Variants in TENM3 observed in about 807,000 individuals in gnomAD.
TENM3 encodes the protein teneurin-3.
A neutral mutation model predicts 255.1 loss-of-function variants in TENM3; 63 were observed. The observed-to-expected ratio is 0.25, with a 90% CI of 0.20 to 0.30. The LOEUF (loss-of-function observed/expected upper bound fraction) is 0.30. Among genes scored for constraint, TENM3 ranks in the 10% least tolerant of loss-of-function variants. TENM3 has a pLI of 1.00. For missense variants in TENM3, 2,929 were observed against 3,461.1 expected (o/e 0.85, Z 3.86); for synonymous variants, 1,306 against 1,322.3 (o/e 0.99, Z 0.27).
At chr4:181,694,869 A>G in the TENM3 span, among the ~76,000 whole-genome samples, 7 of 152,184 alleles carry the variant, frequency 4.6e-5, no homozygotes, top group Non-Finnish European at 1.0e-4. Flanking sequence ...AGAAGAAAGA[A>G]AATTATCTAT....
the TENM3 span, among the ~76,000 whole-genome samples, chr4:181,787,774 TG>T: frequency 4.7e-4 from 71 of 152,274 alleles, no homozygotes; most frequent in Non-Finnish European, 7.6e-4. Flanking sequence ...CCTGCCTTTT[TG>T]GGCCGAACCA....
chr4:181,512,560 C>T, the TENM3 span, among the ~76,000 whole-genome samples: 1 of 152,158 alleles, frequency 6.6e-6, no homozygotes, highest in Non-Finnish European at 1.5e-5. Flanking sequence ...CAAAAGTTCA[C>T]TTCTTTTTGG....
chr4:181,905,006 T>C, the TENM3 span, among the ~76,000 whole-genome samples: 3,032 of 152,304 alleles, frequency 0.02, 49 homozygotes, highest in Non-Finnish European at 0.033. Context: ...CTCCCTTACC[T>C]TCTGCCTTGA....
intron 3 of TENM3, among the ~76,000 whole-genome samples, chr4:182,539,798 G>A (rs534629126): frequency 6.6e-6 from 1 of 152,186 alleles, no homozygotes; most frequent in Non-Finnish European, 1.5e-5. Flanking sequence ...GAGAAGATTC[G>A]GTGTGGGTGA....
At chr4:182,506,436 G>A (rs1468929183) in intron 3 of TENM3, among the ~76,000 whole-genome samples, 2 of 152,162 alleles carry the variant, frequency 1.3e-5, no homozygotes, top group Non-Finnish European at 2.9e-5. Flanking sequence ...GAGAAGTAAC[G>A]TAGGAAGAGA....
intron 3 of TENM3, among the ~76,000 whole-genome samples, chr4:182,573,916 A>G (rs1744664703): frequency 6.6e-6 from 1 of 152,188 alleles, no homozygotes; most frequent in Admixed American, 6.5e-5. Flanking sequence ...TTTTTAGAGC[A>G]GAAAATGTAT....
the TENM3 span, among the ~76,000 whole-genome samples, chr4:182,015,211 A>G: frequency 6.6e-6 from 1 of 152,200 alleles, no homozygotes; most frequent in Non-Finnish European, 1.5e-5. Context: ...GTGCGAGCTC[A>G]GGGCTCCTCT....
intron 13 of TENM3, among the ~76,000 whole-genome samples, chr4:182,717,464 A>G (rs1759294257): frequency 6.6e-6 from 1 of 152,172 alleles, no homozygotes; most frequent in Non-Finnish European, 1.5e-5. Flanking sequence ...GCAATCTGTT[A>G]CCCGTAATAA....
chr4:182,294,789 T>C (rs987092760), intron 1 of TENM3, among the ~76,000 whole-genome samples: 1 of 152,158 alleles, frequency 6.6e-6, no homozygotes, highest in Admixed American at 6.5e-5. Flanking sequence ...ACTAAAAATG[T>C]GTGGGGTGTT....
In TENM3 at chr4:182,628,635, T is replaced by C. The variant is rs1045288088; in HGVS notation, c.750-16T>C. 4 of 1,465,934 alleles carry C rather than the reference T, an allele frequency of 2.7e-6. No homozygotes were observed. Among genetic ancestry groups the C allele is most frequent in the Non-Finnish European group, 2.8e-6 (3 of 1,065,564 alleles). The allele number at this position is 1,465,934 out of a possible 1,614,324, so 90.8% of individuals were successfully genotyped here. ...AACATATTTGTATCTTATAATGATA[T>C]TCTCCTTTTCCACAGGCATTTCCTA... On this transcript the variant is annotated splice_polypyrimidine_tract_variant and intron_variant, in intron 4 of 27. Coordinates refer to ENST00000511685, the MANE Select transcript of TENM3 (RefSeq NM_001080477.4).
chr4:182,401,980 T>C (rs1769242226), intron 3 of TENM3, among the ~76,000 whole-genome samples: 1 of 152,206 alleles, frequency 6.6e-6, no homozygotes, highest in South Asian at 2.1e-4. Flanking sequence ...CTGTAAGTCT[T>C]CTTATCTGTG....
At chr4:182,014,159 T>TAC in the TENM3 span, among the ~76,000 whole-genome samples, 1 of 147,676 alleles carries the variant, frequency 6.8e-6, no homozygotes, top group Non-Finnish European at 1.5e-5. Flanking sequence ...CTTATATATA[T>TAC]ACATATATAT....
intron 1 of TENM3, among the ~76,000 whole-genome samples, chr4:182,226,830 T>C (rs1756189421): frequency 6.6e-6 from 1 of 151,982 alleles, no homozygotes. Flanking sequence ...AGTCAGTGGG[T>C]CCCTCTCTGC....
At chr4:182,396,801 A>C in intron 3 of TENM3, among the ~76,000 whole-genome samples, 1 of 152,032 alleles carries the variant, frequency 6.6e-6, no homozygotes. Context: ...GTCTCTACTA[A>C]AAATACAAAA....
the TENM3 span, among the ~76,000 whole-genome samples, chr4:181,836,428 C>T: frequency 6.6e-6 from 1 of 152,084 alleles, no homozygotes; most frequent in African/African-American, 2.4e-5. Flanking sequence ...TTAAATAATA[C>T]ATTTGGGTCT....
chr4:182,032,949 C>T, the TENM3 span, among the ~76,000 whole-genome samples: 1 of 150,814 alleles, frequency 6.6e-6, no homozygotes. Flanking sequence ...CTTTATTAGT[C>T]TAGCTAGAGT....
chr4:182,408,903 A>C (rs947070723), intron 3 of TENM3, among the ~76,000 whole-genome samples: 1 of 152,224 alleles, frequency 6.6e-6, no homozygotes, highest in Non-Finnish European at 1.5e-5. Context: ...GTGAGCATTA[A>C]TTCAAGATGT....
At position 182,307,826 on chromosome 4, in the gene TENM3, T is replaced by C. The variant is rs74765482; in HGVS notation, c.-75-16120T>C. 6.5e-3 allele frequency among the ~76,000 whole-genome samples: 987 copies of C among 152,310 alleles called. 15 individuals carry two copies. Among genetic ancestry groups the C allele is most frequent in the African/African-American group, 0.022 (928 of 41,556 alleles). On this transcript the variant is annotated intron_variant, in intron 1 of 27. Coordinates refer to ENST00000511685, the MANE Select transcript of TENM3 (RefSeq NM_001080477.4). ...ACCTTGAAAGTGTGGTTTTTAACAG[T>C]TGTCTAGAATACATCACCAAGGTAT...
the TENM3 span, among the ~76,000 whole-genome samples, chr4:181,910,466 A>G: frequency 6.6e-6 from 1 of 151,258 alleles, no homozygotes; most frequent in African/African-American, 2.4e-5. Context: ...TGAACCTGGG[A>G]GGTGGAGGTT....
Sources: gnomAD v4.1 joint callset for allele counts (sites outside exome capture counted in the v4.1 genomes callset) on GRCh38, gnomAD v4.1.1 for gene constraint, MANE v1.5 for transcripts, NCBI Gene and HGNC (gene_info 2026-07-23, HGNC 2026-07-21) for gene names.